The following SRPK1 variants were observed in gnomAD, a reference collection of about 807,000 sequenced individuals.
SRPK1 encodes SRSF protein kinase 1, also known as SFRS protein kinase 1.
A neutral mutation model predicts 89.5 loss-of-function variants in SRPK1; 52 were observed. The ratio of observed to expected loss-of-function variants is 0.58; its 90% confidence interval spans 0.46 to 0.73. SRPK1 has a LOEUF of 0.73. Among genes scored for constraint, SRPK1 ranks in the 30% least tolerant of loss-of-function variants. SRPK1 has a pLI of 0.00. For synonymous variants in SRPK1, 255 were observed against 270.2 expected (o/e 0.94, Z 0.55); for missense variants, 603 against 780.6 (o/e 0.77, Z 2.71).
At chr6:35,842,663 C>T (rs1414330042) in intron 13 of SRPK1, 59 bp from the exon 14 acceptor site, 1 of 1,346,104 alleles carries the variant, frequency 7.4e-7, no homozygotes, top group Non-Finnish European at 1.0e-6. Flanking sequence ...CTTTGGAAAG[C>T]TGATTGCTAT....
At chr6:35,878,737 G>A (rs1770213502) in intron 6 of SRPK1, among the ~76,000 whole-genome samples, 1 of 152,142 alleles carries the variant, frequency 6.6e-6, no homozygotes, top group Non-Finnish European at 1.5e-5. Context: ...AAGGGCCAGT[G>A]CCCTATTTCC....
intron 12 of SRPK1, among the ~76,000 whole-genome samples, chr6:35,864,441 T>C (rs1769851639): frequency 1.3e-5 from 2 of 151,844 alleles, no homozygotes; most frequent in South Asian, 4.1e-4. Flanking sequence ...AAGAGGCATA[T>C]GAAAAGGTGC....
chr6:35,903,499 G>A (rs1314533177), intron 2 of SRPK1, among the ~76,000 whole-genome samples: 4 of 150,234 alleles, frequency 2.7e-5, no homozygotes, highest in Non-Finnish European at 5.9e-5. Context: ...GTGACAGAGT[G>A]AGACTGTCTC....
chr6:35,920,549 T>A (rs753157960), intron 1 of SRPK1, 21 bp from the exon 2 acceptor site: 10 of 1,611,094 alleles, frequency 6.2e-6, no homozygotes, highest in Non-Finnish European at 8.5e-6. Context: ...GAGGGATGGA[T>A]GAAGGGCGAA....
chr6:35,920,768 G>A (rs1771219261), intron 1 of SRPK1: 2 of 349,314 alleles, frequency 5.7e-6, no homozygotes, highest in Non-Finnish European at 1.0e-5. Flanking sequence ...GGGGGTCTGC[G>A]TCGCCCGCCA....
intron 2 of SRPK1, among the ~76,000 whole-genome samples, chr6:35,894,676 T>C (rs1027361990): frequency 2.6e-5 from 4 of 152,124 alleles, no homozygotes; most frequent in Admixed American, 6.5e-5. Flanking sequence ...ACTGTCATCA[T>C]CTATCTCATC....
chr6:35,899,147 G>A (rs1046816265), intron 2 of SRPK1, among the ~76,000 whole-genome samples: 2 of 152,136 alleles, frequency 1.3e-5, no homozygotes, highest in African/African-American at 4.8e-5. Context: ...ATGACAGAGC[G>A]AGACTCCATC....
At chr6:35,882,359 CACACTGGAGT>C (rs1206891984) in intron 6 of SRPK1, among the ~76,000 whole-genome samples, 1 of 151,930 alleles carries the variant, frequency 6.6e-6, no homozygotes, top group Non-Finnish European at 1.5e-5. Flanking sequence ...TTGTGCCACC[CACACTGGAGT>C]ACAGTGGCAC....
At chr6:35,914,818 A>C (rs1361121439) in intron 2 of SRPK1, among the ~76,000 whole-genome samples, 21 of 150,068 alleles carry the variant, frequency 1.4e-4, no homozygotes, top group Non-Finnish European at 5.9e-5. Context: ...TTTTTTTTTG[A>C]AACGGAACTT....
chr6:35,888,345 T>C (rs990978954), intron 4 of SRPK1, among the ~76,000 whole-genome samples: 19 of 152,194 alleles, frequency 1.2e-4, no homozygotes, highest in African/African-American at 4.3e-4. Context: ...TTGAACATTT[T>C]CTCTGAGTTA....
At chr6:35,874,821 GTAAATGCCAACATTTTTTTT>G (rs1049650534) in intron 6 of SRPK1, among the ~76,000 whole-genome samples, 1 of 152,112 alleles carries the variant, frequency 6.6e-6, no homozygotes, top group Non-Finnish European at 1.5e-5. Context: ...CCTCAAAAAC[GTAAATGCCAACATTTTTTTT>G]TAAATAGGAA....
chr6:35,854,889 C>G (rs758566744), intron 13 of SRPK1, among the ~76,000 whole-genome samples: 14 of 152,100 alleles, frequency 9.2e-5, no homozygotes, highest in Non-Finnish European at 1.9e-4. Flanking sequence ...AAATAAAATT[C>G]CTCAATAAGC....
intron 2 of SRPK1, among the ~76,000 whole-genome samples, chr6:35,919,835 T>C (rs1315174891): frequency 2.0e-5 from 3 of 152,202 alleles, no homozygotes; most frequent in Non-Finnish European, 4.4e-5. Flanking sequence ...CTCCGGAAGA[T>C]TATCTGCATC....
intron 2 of SRPK1, among the ~76,000 whole-genome samples, chr6:35,912,793 T>C (rs996718886): frequency 1.3e-5 from 2 of 152,242 alleles, no homozygotes; most frequent in African/African-American, 4.8e-5. Context: ...CTTTCTTCCC[T>C]TCTTTTGGAG....
intron 2 of SRPK1, among the ~76,000 whole-genome samples, chr6:35,915,725 C>A (rs1017283072): frequency 5.3e-5 from 8 of 151,986 alleles, no homozygotes; most frequent in African/African-American, 1.5e-4. Context: ...GTAAGCCTAG[C>A]ACTTTGGGAG....
At chr6:35,849,331 G>A (rs1051303186) in intron 13 of SRPK1, among the ~76,000 whole-genome samples, 3 of 152,086 alleles carry the variant, frequency 2.0e-5, no homozygotes, top group Non-Finnish European at 4.4e-5. Context: ...TCACAAAGAC[G>A]AAATATTTAG....
chr6:35,885,312 G>C (rs1025445199), intron 6 of SRPK1, among the ~76,000 whole-genome samples: 48 of 151,084 alleles, frequency 3.2e-4, no homozygotes, highest in South Asian at 1.0e-3. Context: ...GAGAGAGAGA[G>C]AGAGAGAGAG....
chr6:35,903,382 T>C (rs540859461), intron 2 of SRPK1, among the ~76,000 whole-genome samples: 3 of 152,064 alleles, frequency 2.0e-5, no homozygotes, highest in East Asian at 1.9e-4. Context: ...TGTGGTGGCA[T>C]GTGCCTGTAA....
At chr6:35,896,343 GTGT>G (rs1180471612) in intron 2 of SRPK1, among the ~76,000 whole-genome samples, 1 of 152,206 alleles carries the variant, frequency 6.6e-6, no homozygotes, top group Admixed American at 6.5e-5. Context: ...ACAGGAGTCT[GTGT>G]TCATTGTTGT....
Sources: allele counts gnomAD v4.1 joint callset (sites outside exome capture counted in the v4.1 genomes callset), GRCh38; gene constraint gnomAD v4.1.1; transcripts MANE v1.5; gene names NCBI Gene and HGNC (gene_info 2026-07-23, HGNC 2026-07-21).